The following WNK2 variants were observed in gnomAD, a reference collection of about 807,000 sequenced individuals.
The protein encoded by WNK2 is WNK lysine deficient protein kinase 2.
In WNK2, 67 loss-of-function variants were observed where a neutral mutation model predicts 192.1. The ratio of observed to expected loss-of-function variants is 0.35; its 90% confidence interval spans 0.29 to 0.43. WNK2 has a LOEUF of 0.43. Ranked by LOEUF, WNK2 falls within the 20% of genes least tolerant of loss-of-function variation. The probability of loss-of-function intolerance (pLI) is 1.00; values close to 1 mark genes in which losing one functional copy is unlikely to be tolerated. For missense variants in WNK2, 2,698 were observed against 3,089.7 expected, an observed-to-expected ratio of 0.87 and a Z score of 3.01; for synonymous variants, 1,439 against 1,393.9, an observed-to-expected ratio of 1.03 and a Z score of -0.72.
In WNK2 at chr9:93,289,962, G is replaced by A. The variant is rs1181682054; in HGVS notation, c.4867-16G>A. On this transcript the variant is annotated splice_polypyrimidine_tract_variant and intron_variant, in intron 20 of 29. Transcript: ENST00000427277. Reference sequence around the variant, plus strand: ...TGAGTCTCACGGCTCTTCTCTTTTTGTGTTTCTTTCTCCAGGTGGAGAAGT... The same window carrying A: ...TGAGTCTCACGGCTCTTCTCTTTTTATGTTTCTTTCTCCAGGTGGAGAAGT... 6.4e-7 allele frequency: 1 copy of A among 1,556,592 alleles called. No individual in the cohort carries two copies. Among genetic ancestry groups the A allele is most frequent in the Admixed American group, 1.9e-5 (1 of 51,854 alleles).
chr9:93,286,749 T>C (rs754580603), intron 19 of WNK2, among the ~76,000 whole-genome samples: 4 of 152,218 alleles, frequency 2.6e-5, no homozygotes, highest in South Asian at 2.1e-4. Flanking sequence ...AGCCAAGATA[T>C]GGAAACAACC....
At chr9:93,278,879 A>G (rs1271628952) in intron 19 of WNK2, among the ~76,000 whole-genome samples, 2 of 152,234 alleles carry the variant, frequency 1.3e-5, no homozygotes, top group Non-Finnish European at 2.9e-5. Flanking sequence ...ACAAAGAAAA[A>G]CAATTCATAT....
chr9:93,206,087 G>A (rs1224773536), intron 2 of WNK2, among the ~76,000 whole-genome samples: 1 of 152,210 alleles, frequency 6.6e-6, no homozygotes, highest in Non-Finnish European at 1.5e-5. Flanking sequence ...TATAGATGAG[G>A]AAACTGATGC....
chr9:93,260,176 G>A (rs935098120), intron 12 of WNK2, among the ~76,000 whole-genome samples: 2 of 152,194 alleles, frequency 1.3e-5, no homozygotes, highest in African/African-American at 4.8e-5. Flanking sequence ...CTGGCTGGCT[G>A]TGAAGGGGCG....
At chr9:93,276,522 CAGG>C (rs1204611406) in intron 19 of WNK2, among the ~76,000 whole-genome samples, 4 of 152,138 alleles carry the variant, frequency 2.6e-5, no homozygotes, top group Admixed American at 1.3e-4. Flanking sequence ...CTGTGCCAGG[CAGG>C]AGTTCTTAGA....
In WNK2 at chr9:93,228,935, C is replaced by T. The variant is rs145827594; in HGVS notation, c.682-761C>T. On this transcript the variant is annotated intron_variant, in intron 2 of 29. Coordinates refer to ENST00000427277, the MANE Select transcript of WNK2 (RefSeq NM_006648.4). ...ATTGGGCAGGCGGCGGGAGGGTGGC[C>T]AGTGCTGAGTGGTGTTTGAATGTGG... Among the ~76,000 whole-genome samples, 515 of 152,056 alleles carry T rather than the reference C, an allele frequency of 3.4e-3. 3 individuals carry two copies. The highest frequency in any genetic ancestry group is 0.011 in the African/African-American group (464 of 41,464).
intron 13 of WNK2, 26 bp from the exon 14 acceptor site, chr9:93,262,644 C>T: frequency 6.2e-7 from 1 of 1,612,492 alleles, no homozygotes; most frequent in South Asian, 1.1e-5. Context: ...ATGACCTGTT[C>T]TCTTTTCTCC....
intron 2 of WNK2, among the ~76,000 whole-genome samples, chr9:93,214,697 G>GCCC (rs371026822): frequency 1.2e-5 from 1 of 80,224 alleles, no homozygotes; most frequent in Non-Finnish European, 2.5e-5. Context: ...TGAAGGTAGT[G>GCCC]CCCCCCCCCC....
At chr9:93,292,036 C>T (rs954774878) in intron 21 of WNK2, among the ~76,000 whole-genome samples, 1 of 152,242 alleles carries the variant, frequency 6.6e-6, no homozygotes, top group African/African-American at 2.4e-5. Context: ...GTGCCCGGGG[C>T]TGACGCCTCT....
At chr9:93,214,658 G>A (rs1564005629) in intron 2 of WNK2, among the ~76,000 whole-genome samples, 1 of 150,084 alleles carries the variant, frequency 6.7e-6, no homozygotes, top group Non-Finnish European at 1.5e-5. Flanking sequence ...TTCTGTTGAG[G>A]TCAGCTGTCA....
chr9:93,288,369 A>G (rs1356203214), intron 19 of WNK2, among the ~76,000 whole-genome samples: 1 of 152,222 alleles, frequency 6.6e-6, no homozygotes, highest in Non-Finnish European at 1.5e-5. Flanking sequence ...TTGAAATTTC[A>G]TTGAATAACT....
In WNK2 at chr9:93,306,924, C is replaced by A; in HGVS notation, c.6259+103C>A. ...CGCGGCCGGGCGGGCGTGGGCCTGC[C>A]CTGTGCCTGCCCCGCGCCTGCTCCA... On this transcript the variant is annotated intron_variant, in intron 27 of 29. Transcript: ENST00000427277. The A allele has an allele frequency of 2.1e-6, 3 of 1,436,812 alleles. No homozygotes were observed. The South Asian group carries it at 3.4e-5, about 16-fold the overall frequency. 89.0% of individuals were successfully genotyped at this position (1,436,812 alleles called of 1,614,324 possible). A position where few individuals can be genotyped will look rare whatever the true frequency, so the allele number is the denominator to read the frequency against.
intron 9 of WNK2, 145 bp from the exon 10 acceptor site, chr9:93,256,154 C>A: frequency 9.6e-7 from 1 of 1,037,060 alleles, no homozygotes; most frequent in Non-Finnish European, 1.3e-6. Flanking sequence ...AGGGCTCCCT[C>A]ACTGCTTCTG....
chr9:93,238,904 C>G (rs1840269277), intron 6 of WNK2, among the ~76,000 whole-genome samples: 1 of 152,144 alleles, frequency 6.6e-6, no homozygotes, highest in African/African-American at 2.4e-5. Context: ...AGCCTTCCCT[C>G]CCCCTCACAC....
At chr9:93,191,927 T>A (rs1376205668) in intron 2 of WNK2, among the ~76,000 whole-genome samples, 1 of 151,594 alleles carries the variant, frequency 6.6e-6, no homozygotes, top group Non-Finnish European at 1.5e-5. Context: ...CTTGTAGGGC[T>A]GAGGCAGAAG....
intron 28 of WNK2, chr9:93,315,859 TG>T (rs1434344299): frequency 6.6e-6 from 1 of 152,116 alleles, no homozygotes; most frequent in Non-Finnish European, 1.5e-5. Context: ...CTGTGGTTTG[TG>T]TTTTCACTTT....
rs772868712 is a variant in WNK2 at position 93,264,012 on chromosome 9, C to T, written c.3675C>T (p.Pro1225=). Residue 1225 remains proline (P), a synonymous_variant, in exon 16 of 30, where the codon CCC becomes CCT. Coordinates refer to ENST00000427277, the MANE Select transcript of WNK2 (RefSeq NM_006648.4). ...TFKFDLDGDA[P]DEIATYMVEH... is the part of the protein sequence containing the mutation. ...AGTTCGACTTGGACGGGGACGCACCCGATGAAATTGCCACGTATATGGTGA... is the reference window on the plus strand; with the variant it reads ...AGTTCGACTTGGACGGGGACGCACCTGATGAAATTGCCACGTATATGGTGA... 9.3e-6 allele frequency: 15 copies of T among 1,612,898 alleles called. No individual in the cohort carries two copies. The highest frequency in any genetic ancestry group is 1.7e-5 in the Admixed American group (1 of 59,940).
At chr9:93,252,732 C>G in intron 8 of WNK2, 151 bp from the exon 9 acceptor site, 1 of 678,718 alleles carries the variant, frequency 1.5e-6, no homozygotes, top group South Asian at 3.2e-5. Flanking sequence ...GGTTCTGTAG[C>G]AGCCAATTGT....
intron 29 of WNK2, chr9:93,319,163 T>C (rs201220086): frequency 1.2e-6 from 2 of 1,613,286 alleles, no homozygotes; most frequent in South Asian, 2.2e-5. Context: ...GAATCCCCAA[T>C]AGATTGTATA....
Sources: allele counts gnomAD v4.1 joint callset (sites outside exome capture counted in the v4.1 genomes callset), GRCh38; gene constraint gnomAD v4.1.1; transcripts MANE v1.5; gene names NCBI Gene and HGNC (gene_info 2026-07-23, HGNC 2026-07-21).